The following C19orf47 variants were observed in gnomAD, a reference collection of about 807,000 sequenced individuals.
C19orf47 encodes uncharacterized protein C19orf47.
C19orf47 carries 18 observed loss-of-function variants against 32.3 expected under a neutral mutation model. That is an observed-to-expected ratio of 0.56 (90% CI 0.39 to 0.83). C19orf47 has a LOEUF of 0.83. Among genes scored for constraint, C19orf47 ranks in the 40% least tolerant of loss-of-function variants. The probability of loss-of-function intolerance (pLI) is 0.00; values close to 1 mark genes in which losing one functional copy is unlikely to be tolerated. For missense variants in C19orf47, 484 were observed against 531.6 expected (o/e 0.91, Z 0.88); for synonymous variants, 202 against 211.1 (o/e 0.96, Z 0.37).
chr19:40,324,050 GGTCAAACACA>G lies in C19orf47; in HGVS notation c.609_618del (p.Val204AlafsTer52). 6.2e-7 allele frequency: 1 copy of G among 1,614,222 alleles called. No homozygotes were observed. The highest frequency in any genetic ancestry group is 8.5e-7 in the Non-Finnish European group (1 of 1,180,032). ...TCTGCCTTGGTCTCGGCGCCGAGGC[GGTCAAACACA>G]GACGTCCTATGGAGACCTGGGAGGG... On this transcript the variant is annotated frameshift_variant, in exon 8 of 9. Coordinates refer to ENST00000683109, the MANE Select transcript of C19orf47 (RefSeq NM_001256441.2). LOFTEE classifies it high-confidence loss of function.
At chr19:40,304,870 A>G in the C19orf47 span, among the ~76,000 whole-genome samples, 1 of 152,176 alleles carries the variant, frequency 6.6e-6, no homozygotes, top group Admixed American at 6.6e-5. Flanking sequence ...TACCAAATGC[A>G]GTTTTGATTA....
In C19orf47 at chr19:40,320,407, G is replaced by T; in HGVS notation, c.*1475C>A. On this transcript the variant is annotated 3_prime_UTR_variant, in exon 9 of 9. Coordinates refer to ENST00000683109, the MANE Select transcript of C19orf47 (RefSeq NM_001256441.2). ...CACCCACCTCTGCCTCATGCTGGAG[G>T]CAGGGCCCACCCTCACCCACAGCCA... 1 of 155,254 alleles carries T rather than the reference G, an allele frequency of 6.4e-6. No individual in the cohort carries two copies. The highest frequency in any genetic ancestry group is 1.5e-5 in the Non-Finnish European group (1 of 68,886). The allele number at this position is 155,254 out of a possible 1,614,324, so 9.6% of individuals were successfully genotyped here. A position where few individuals can be genotyped will look rare whatever the true frequency, so the allele number is the denominator to read the frequency against.
intron 2 of C19orf47, 132 bp downstream of exon 2, chr19:40,341,707 C>T (rs1278355302): frequency 2.1e-5 from 28 of 1,323,414 alleles, no homozygotes; most frequent in Middle Eastern, 2.5e-4. Context: ...CACCCTGCCA[C>T]GGTCCTCAGA....
the C19orf47 span, among the ~76,000 whole-genome samples, chr19:40,298,296 T>A: frequency 6.9e-6 from 1 of 145,580 alleles, no homozygotes. Flanking sequence ...AGTGAAACAT[T>A]GTCTCAAAAA....
chr19:40,315,721 A>G (rs2077657540), downstream of C19orf47, among the ~76,000 whole-genome samples: 1 of 151,918 alleles, frequency 6.6e-6, no homozygotes, highest in Non-Finnish European at 1.5e-5. Context: ...CGCAGGCTAC[A>G]GTGAGCCGAG....
At chr19:40,344,731 C>T (rs369347693) in intron 1 of C19orf47, among the ~76,000 whole-genome samples, 54 of 152,244 alleles carry the variant, frequency 3.5e-4, no homozygotes, top group African/African-American at 1.2e-3. Flanking sequence ...TAGCAACTGA[C>T]CTTACTGGGA....
the C19orf47 span, among the ~76,000 whole-genome samples, chr19:40,303,575 C>T: frequency 2.0e-5 from 3 of 149,438 alleles, no homozygotes; most frequent in Non-Finnish European, 4.4e-5. Context: ...TTTGGGAGGC[C>T]GAGGCAGGTG....
At chr19:40,303,249 C>T in the C19orf47 span, among the ~76,000 whole-genome samples, 823 of 151,206 alleles carry the variant, frequency 5.4e-3, 3 homozygotes, top group African/African-American at 8.2e-3. Context: ...ACAGGCCAGG[C>T]GCAGTAGCTC....
chr19:40,307,747 A>C, the C19orf47 span, among the ~76,000 whole-genome samples: 6 of 151,154 alleles, frequency 4.0e-5, no homozygotes, highest in South Asian at 6.3e-4. Flanking sequence ...AATCCCCAAA[A>C]CCATTCCATG....
chr19:40,327,833 A>G (rs1251044366), intron 6 of C19orf47, among the ~76,000 whole-genome samples: 1 of 152,166 alleles, frequency 6.6e-6, no homozygotes, highest in Non-Finnish European at 1.5e-5. Context: ...CATGATGGGA[A>G]GGAGGCTGGA....
At chr19:40,324,307 A>T in intron 7 of C19orf47, 1 of 583,508 alleles carries the variant, frequency 1.7e-6, no homozygotes. Context: ...GATTCCCTAC[A>T]CCTCAGCACT....
chr19:40,301,216 G>A, the C19orf47 span, among the ~76,000 whole-genome samples: 2 of 151,950 alleles, frequency 1.3e-5, no homozygotes, highest in African/African-American at 4.8e-5. Context: ...ACATGGGACT[G>A]AGCTGACAGA....
chr19:40,322,020 G>A lies in C19orf47; in HGVS notation c.1020C>T (p.Ser340=), dbSNP rs948045619. ...TAATGGTGACCTTGACCTCGGCTGA[G>A]GACTTACTCTTGGTGCTGGTGACCT... ...DSQVTSTKSK[S]SAEVKVTIKR... is the part of the protein sequence containing the mutation. The change falls in exon 9 of 9, where the codon TCC becomes TCT. Residue 340 remains serine (S), a synonymous_variant. Coordinates refer to ENST00000683109, the MANE Select transcript of C19orf47 (RefSeq NM_001256441.2). 1 of 1,614,154 alleles carries A rather than the reference G, an allele frequency of 6.2e-7. No individual in the cohort carries two copies. Among genetic ancestry groups the A allele is most frequent in the Non-Finnish European group, 8.5e-7 (1 of 1,180,018 alleles).
chr19:40,333,882 G>A lies in C19orf47; in HGVS notation c.270C>T (p.Pro90=), dbSNP rs1162638234. 6.3e-7 allele frequency: 1 copy of A among 1,580,776 alleles called. No individual in the cohort carries two copies. Among genetic ancestry groups the A allele is most frequent in the Admixed American group, 1.8e-5 (1 of 55,098 alleles). Residue 90 remains proline, a synonymous_variant, in exon 5 of 9, where the codon CCC becomes CCT. Transcript: ENST00000683109. ...TGCCACGGCGAATTTCGCCTGCAAG[G>A]GGGCTAGGGCTGCAGGGTACTGACT... ...ATESVPCSPS[P]LAGEIRRGTS... is the part of the protein sequence containing the mutation.
rs2077711881 is a variant in C19orf47, at chr19:40,321,259, G to A, written c.*623C>T. 3 of 986,806 alleles carry A rather than the reference G, an allele frequency of 3.0e-6. No individual in the cohort carries two copies. In the South Asian group the frequency reaches 1.4e-4, roughly 46 times the overall value. 61.1% of individuals were successfully genotyped at this position (986,806 alleles called of 1,614,324 possible). A position where few individuals can be genotyped will look rare whatever the true frequency, so the allele number is the denominator to read the frequency against. ...GCCTGGGAGTAGAGGGCGGCTAACA[G>A]TCTCAACAGGCTCGACGCCACCGCC... is the stretch of plus-strand genomic sequence containing the variant. On this transcript the variant is annotated 3_prime_UTR_variant, in exon 9 of 9. Transcript: ENST00000683109.
chr19:40,298,966 C>A, the C19orf47 span, among the ~76,000 whole-genome samples: 1 of 145,382 alleles, frequency 6.9e-6, no homozygotes, highest in African/African-American at 2.6e-5. Flanking sequence ...TAAAAATGAG[C>A]CCTAATATCA....
the C19orf47 span, among the ~76,000 whole-genome samples, chr19:40,296,564 G>A: frequency 6.6e-6 from 1 of 152,124 alleles, no homozygotes; most frequent in Non-Finnish European, 1.5e-5. Flanking sequence ...TCACAGGCAT[G>A]AGCCATTGTG....
intron 5 of C19orf47, among the ~76,000 whole-genome samples, chr19:40,329,897 T>C (rs1387056964): frequency 6.6e-6 from 1 of 152,218 alleles, no homozygotes; most frequent in Non-Finnish European, 1.5e-5. Flanking sequence ...AAGAGGGCCC[T>C]ACCTGTCCTG....
chr19:40,341,322 G>A (rs983195431), intron 2 of C19orf47, among the ~76,000 whole-genome samples: 3 of 151,898 alleles, frequency 2.0e-5, no homozygotes, highest in African/African-American at 4.8e-5. Flanking sequence ...CAACAAGAGC[G>A]AAACTCCATC....
Sources: gnomAD v4.1 joint callset for allele counts (sites outside exome capture counted in the v4.1 genomes callset) on GRCh38, gnomAD v4.1.1 for gene constraint, MANE v1.5 for transcripts, NCBI Gene and HGNC (gene_info 2026-07-23, HGNC 2026-07-21) for gene names.